The following PRIM2 variants were observed in gnomAD, a reference collection of about 807,000 sequenced individuals.
The protein encoded by PRIM2 is DNA primase large subunit.
Under a neutral mutation model 67.3 loss-of-function variants are expected in PRIM2, and 39 were observed. The observed-to-expected ratio is 0.58, with a 90% CI of 0.45 to 0.76. PRIM2 has a LOEUF of 0.76. Among genes scored for constraint, PRIM2 ranks in the 30% least tolerant of loss-of-function variants. The probability of loss-of-function intolerance (pLI) is 0.00; values close to 1 mark genes in which losing one functional copy is unlikely to be tolerated. For synonymous variants in PRIM2, 143 were observed against 198.7 expected (o/e 0.72, Z 2.36); for missense variants, 398 against 598.7 (o/e 0.66, Z 3.50).
At chr6:57,504,169 T>C (rs1774203981) in intron 7 of PRIM2, among the ~76,000 whole-genome samples, 1 of 152,206 alleles carries the variant, frequency 6.6e-6, no homozygotes, top group African/African-American at 2.4e-5. Context: ...CCCTTTTGTC[T>C]CTTGTACTTT....
chr6:57,411,748 A>C (rs2208361), intron 7 of PRIM2, among the ~76,000 whole-genome samples: 1 of 152,170 alleles, frequency 6.6e-6, no homozygotes, highest in Non-Finnish European at 1.5e-5. Flanking sequence ...CTTTACTGCC[A>C]ATGAGGGATG....
the PRIM2 span, among the ~76,000 whole-genome samples, chr6:57,279,897 C>T: frequency 9.9e-5 from 15 of 152,090 alleles, no homozygotes; most frequent in African/African-American, 3.6e-4. Flanking sequence ...TAGTCCTTAA[C>T]AAGGGGAAGA....
At chr6:57,368,284 T>C (rs2127320637) in intron 5 of PRIM2, among the ~76,000 whole-genome samples, 1 of 150,632 alleles carries the variant, frequency 6.6e-6, no homozygotes, top group African/African-American at 2.4e-5. Context: ...TAATGGACCT[T>C]AAAAAAAAAC....
chr6:57,462,412 C>G (rs1249818923), intron 7 of PRIM2, among the ~76,000 whole-genome samples: 1 of 152,118 alleles, frequency 6.6e-6, no homozygotes, highest in African/African-American at 2.4e-5. Flanking sequence ...TAATTGTGTA[C>G]TAGTGTTTTA....
At chr6:57,625,924 T>A (rs1439620171) in intron 12 of PRIM2, among the ~76,000 whole-genome samples, 1 of 152,072 alleles carries the variant, frequency 6.6e-6, no homozygotes, top group Non-Finnish European at 1.5e-5. Context: ...GTTCAAAAAT[T>A]TGCAAGACTT....
rs1421382412 is a variant in PRIM2 at position 57,356,753 on chromosome 6, G to A, written c.460-23148G>A. On this transcript the variant is annotated intron_variant, in intron 5 of 13. Transcript: ENST00000615550. ...AAATTTAGTTATTTTTTGGCTTTTAGAGGATTAGATTTGTGATAGGATAAG... is the reference window on the plus strand; with the variant it reads ...AAATTTAGTTATTTTTTGGCTTTTAAAGGATTAGATTTGTGATAGGATAAG... 7.2e-5 allele frequency among the ~76,000 whole-genome samples: 11 copies of A among 152,190 alleles called. No homozygotes were observed. In the East Asian group the frequency reaches 1.4e-3, roughly 19 times the overall value.
rs561757609 is a variant in PRIM2, at chr6:57,416,748, A to T, written c.693+34580A>T. Among the ~76,000 whole-genome samples the T allele has an allele frequency of 2.0e-5, 3 of 152,254 alleles. No individual in the cohort carries two copies. In the South Asian group the frequency reaches 6.2e-4, roughly 32 times the overall value. ...CTGCTTCACCTTGTACTTTTATGTT[A>T]TAGAGATGGCTGCTCTCCTTAAACC... On this transcript the variant is annotated intron_variant, in intron 7 of 13. Coordinates refer to ENST00000615550, the MANE Select transcript of PRIM2 (RefSeq NM_000947.5).
chr6:57,369,524 G>A (rs564943754), intron 5 of PRIM2, among the ~76,000 whole-genome samples: 33 of 152,312 alleles, frequency 2.2e-4, no homozygotes, highest in African/African-American at 7.5e-4. Flanking sequence ...GGAATTATGA[G>A]TAGTAGTGGC....
At position 57,560,165 on chromosome 6, in the gene PRIM2, T is replaced by C. The variant is rs1775599494; in HGVS notation, c.1020+22540T>C. On this transcript the variant is annotated intron_variant, in intron 10 of 13. Transcript: ENST00000615550. ...AAGTGTATGTAATAACCTAAATCTT[T>C]TGTTGTCATTTCAACAGTGTTCACA... Among the ~76,000 whole-genome samples, 3 of 152,318 alleles carry C rather than the reference T, an allele frequency of 2.0e-5. No homozygotes were observed. The East Asian group carries it at 5.8e-4, about 29-fold the overall frequency.
intron 7 of PRIM2, among the ~76,000 whole-genome samples, chr6:57,400,208 G>A: frequency 6.6e-6 from 1 of 152,246 alleles, no homozygotes; most frequent in Non-Finnish European, 1.5e-5. Flanking sequence ...ACTGATCCGT[G>A]TATTTAAGTG....
At chr6:57,450,659 C>T (rs1772512639) in intron 7 of PRIM2, among the ~76,000 whole-genome samples, 1 of 152,170 alleles carries the variant, frequency 6.6e-6, no homozygotes, top group Non-Finnish European at 1.5e-5. Flanking sequence ...CCAAGCTAGC[C>T]ATCATTGGCA....
At chr6:57,470,275 T>G (rs1773303821) in intron 7 of PRIM2, among the ~76,000 whole-genome samples, 1 of 151,008 alleles carries the variant, frequency 6.6e-6, no homozygotes, top group Non-Finnish European at 1.5e-5. Flanking sequence ...TTGCAGCCTC[T>G]CCTCCTTGCG....
At chr6:57,385,015 A>C (rs7767074) in intron 7 of PRIM2, among the ~76,000 whole-genome samples, 1 of 152,214 alleles carries the variant, frequency 6.6e-6, no homozygotes, top group South Asian at 2.1e-4. Context: ...CATTTGCCAC[A>C]CATTTTTATT....
the PRIM2 span, among the ~76,000 whole-genome samples, chr6:57,224,806 A>T: frequency 6.6e-6 from 1 of 152,236 alleles, no homozygotes; most frequent in African/African-American, 2.4e-5. Context: ...CCACCCCAAA[A>T]CATGCCACTT....
intron 12 of PRIM2, among the ~76,000 whole-genome samples, chr6:57,628,565 G>A (rs1331801239): frequency 9.9e-5 from 15 of 152,184 alleles, no homozygotes; most frequent in Non-Finnish European, 1.9e-4. Flanking sequence ...TGATGCTGAG[G>A]CTTGGGCTGC....
intron 13 of PRIM2, among the ~76,000 whole-genome samples, chr6:57,632,459 A>G (rs1325743080): frequency 1.3e-5 from 2 of 152,238 alleles, no homozygotes; most frequent in Non-Finnish European, 1.5e-5. Flanking sequence ...CCACCACTCC[A>G]TATCTAGGGA....
intron 10 of PRIM2, among the ~76,000 whole-genome samples, chr6:57,564,533 G>T (rs1181167853): frequency 1.3e-5 from 2 of 151,704 alleles, no homozygotes; most frequent in Non-Finnish European, 2.9e-5. Context: ...TTTTTTTACC[G>T]TTCTACTTTT....
At chr6:57,235,429 G>A in the PRIM2 span, among the ~76,000 whole-genome samples, 90 of 149,184 alleles carry the variant, frequency 6.0e-4, no homozygotes, top group Non-Finnish European at 4.4e-4. Flanking sequence ...GCGCCACTGC[G>A]CTCCAGCCTG....
chr6:57,253,803 C>G, the PRIM2 span, among the ~76,000 whole-genome samples: 1 of 152,184 alleles, frequency 6.6e-6, no homozygotes, highest in Non-Finnish European at 1.5e-5. Context: ...CTCTGAAACC[C>G]TTGTGCTATT....
Sources: gnomAD v4.1 joint callset for allele counts (sites outside exome capture counted in the v4.1 genomes callset) on GRCh38, gnomAD v4.1.1 for gene constraint, MANE v1.5 for transcripts, NCBI Gene and HGNC (gene_info 2026-07-23, HGNC 2026-07-21) for gene names.